The following PRKCH variants were observed in gnomAD, a reference collection of about 807,000 sequenced individuals.
PRKCH encodes the protein protein kinase C eta type.
A neutral mutation model predicts 82.5 loss-of-function variants in PRKCH; 28 were observed. That is an observed-to-expected ratio of 0.34 (90% CI 0.25 to 0.47). The LOEUF is 0.47. Ranked by LOEUF, PRKCH falls within the 20% of genes least tolerant of loss-of-function variation. The pLI is 1.00. For missense variants in PRKCH, 705 were observed against 881.8 expected (o/e 0.80, Z 2.54); for synonymous variants, 322 against 327.4 (o/e 0.98, Z 0.18).
chr14:61,389,785 C>A (rs994034339), intron 1 of PRKCH, among the ~76,000 whole-genome samples: 19 of 151,886 alleles, frequency 1.3e-4, no homozygotes, highest in Admixed American at 2.6e-4. Context: ...TGGTAAAGGA[C>A]CTTGCCCAGG....
intron 1 of PRKCH, among the ~76,000 whole-genome samples, chr14:61,352,452 C>G (rs915632926): frequency 6.6e-6 from 1 of 151,956 alleles, no homozygotes; most frequent in Non-Finnish European, 1.5e-5. Context: ...CATTTGAGGG[C>G]AGGGGTTCAA....
chr14:61,506,066 CT>C (rs1887132972), intron 10 of PRKCH, among the ~76,000 whole-genome samples: 1 of 152,106 alleles, frequency 6.6e-6, no homozygotes, highest in Non-Finnish European at 1.5e-5. Context: ...ACATCAATGC[CT>C]ACCAGGCCTG....
At chr14:61,401,125 T>G (rs1881593518) in intron 2 of PRKCH, among the ~76,000 whole-genome samples, 1 of 152,274 alleles carries the variant, frequency 6.6e-6, no homozygotes, top group South Asian at 2.1e-4. Flanking sequence ...AGGACCAACA[T>G]TCACCCAGGA....
At chr14:61,268,195 T>G (rs2045120845) in intron 1 of PRKCH, among the ~76,000 whole-genome samples, 1 of 152,160 alleles carries the variant, frequency 6.6e-6, no homozygotes, top group Non-Finnish European at 1.5e-5. Context: ...TCTGTCTAAG[T>G]GCCAGCAATT....
intron 1 of PRKCH, among the ~76,000 whole-genome samples, chr14:61,350,615 A>G (rs2046060186): frequency 6.6e-6 from 1 of 152,098 alleles, no homozygotes; most frequent in Admixed American, 6.5e-5. Flanking sequence ...TCACTGAAAG[A>G]ATATCCCCCC....
In PRKCH at chr14:61,453,264, G is replaced by A. The variant is rs754738854; in HGVS notation, c.871G>A (p.Val291Met). 5 of 1,614,130 alleles carry A rather than the reference G, an allele frequency of 3.1e-6. No individual in the cohort carries two copies. Among genetic ancestry groups the A allele is most frequent in the South Asian group, 1.1e-5 (1 of 91,082 alleles). Residue 291 changes from valine (V) to methionine (M), a missense_variant, in exon 7 of 14, where the codon GTG (valine) becomes ATG (methionine). Coordinates refer to ENST00000332981, the MANE Select transcript of PRKCH (RefSeq NM_006255.5). Reference sequence around the variant, plus strand: ...TGTGCATATTCGATGTCAAGCGAACGTGGCCCCTAACTGTGGGGTAAATGC... The same window carrying A: ...TGTGCATATTCGATGTCAAGCGAACATGGCCCCTAACTGTGGGGTAAATGC... ...MNVHIRCQAN[V>M]APNCGVNAVE...
chr14:61,470,079 G>T (rs538637080), intron 9 of PRKCH, among the ~76,000 whole-genome samples: 2 of 151,308 alleles, frequency 1.3e-5, no homozygotes, highest in African/African-American at 4.9e-5. Flanking sequence ...CAGGCTCAGA[G>T]CCGTCATCTG....
intron 2 of PRKCH, among the ~76,000 whole-genome samples, chr14:61,436,637 ATCC>A (rs1481948629): frequency 6.6e-6 from 1 of 152,126 alleles, no homozygotes; most frequent in Admixed American, 6.6e-5. Context: ...GGTTCAAGCA[ATCC>A]TCCTGCCTCA....
At chr14:61,432,243 T>C (rs961696713) in intron 2 of PRKCH, among the ~76,000 whole-genome samples, 2 of 152,334 alleles carry the variant, frequency 1.3e-5, no homozygotes, top group South Asian at 4.1e-4. Context: ...TTGATATCTT[T>C]TTATTTTTCT....
chr14:61,208,593 A>C (rs370169887), intron 1 of PRKCH, among the ~76,000 whole-genome samples: 23 of 152,202 alleles, frequency 1.5e-4, no homozygotes, highest in Admixed American at 3.3e-4. Context: ...TGAAAGTCTT[A>C]AGATTCTCAA....
intron 1 of PRKCH, among the ~76,000 whole-genome samples, chr14:61,221,160 C>G (rs1357634880): frequency 2.6e-5 from 4 of 152,082 alleles, no homozygotes; most frequent in Admixed American, 1.3e-4. Context: ...GTGGGGAACC[C>G]TCCAACAGCG....
intron 12 of PRKCH, among the ~76,000 whole-genome samples, chr14:61,542,395 A>T (rs566903135): frequency 1.2e-3 from 175 of 151,740 alleles, no homozygotes; most frequent in South Asian, 7.7e-3. Context: ...AGTTTTCCAA[A>T]TAGGGTTTGG....
intron 9 of PRKCH, among the ~76,000 whole-genome samples, chr14:61,484,101 G>A (rs951695304): frequency 6.6e-5 from 10 of 151,960 alleles, no homozygotes; most frequent in Non-Finnish European, 1.0e-4. Flanking sequence ...CACTTTCCTC[G>A]CAAAATAATC....
At chr14:61,539,685 A>G (rs973274027) in intron 12 of PRKCH, among the ~76,000 whole-genome samples, 18 of 152,058 alleles carry the variant, frequency 1.2e-4, no homozygotes, top group African/African-American at 1.9e-4. Context: ...GGGAAGGACA[A>G]TCTTCAAAAT....
intron 11 of PRKCH, 98 bp from the exon 12 acceptor site, chr14:61,530,309 C>T: frequency 7.7e-7 from 1 of 1,303,412 alleles, no homozygotes; most frequent in Non-Finnish European, 1.0e-6. Context: ...TTTAAAAAAA[C>T]TTTGATATTT....
chr14:61,485,878 C>T (rs547549728), intron 10 of PRKCH, among the ~76,000 whole-genome samples: 1 of 152,294 alleles, frequency 6.6e-6, no homozygotes, highest in South Asian at 2.1e-4. Context: ...CCATCTGGAC[C>T]TCCCAAGTAG....
chr14:61,206,306 C>T (rs2044523539), intron 1 of PRKCH, among the ~76,000 whole-genome samples: 1 of 152,162 alleles, frequency 6.6e-6, no homozygotes, highest in African/African-American at 2.4e-5. Flanking sequence ...AGAAGGCTTC[C>T]TTGCCTCTTC....
intron 9 of PRKCH, among the ~76,000 whole-genome samples, chr14:61,484,961 G>A (rs902910205): frequency 2.0e-5 from 3 of 151,478 alleles, no homozygotes; most frequent in Non-Finnish European, 4.4e-5. Flanking sequence ...TGGGCTCAAG[G>A]GATCCACCCA....
At chr14:61,508,497 CAG>C (rs1887247086) in intron 10 of PRKCH, among the ~76,000 whole-genome samples, 2 of 152,138 alleles carry the variant, frequency 1.3e-5, no homozygotes, top group East Asian at 3.9e-4. Flanking sequence ...GGAAACAAGA[CAG>C]AGTCCTGATA....
Sources: gnomAD v4.1 joint callset for allele counts (sites outside exome capture counted in the v4.1 genomes callset) on GRCh38, gnomAD v4.1.1 for gene constraint, MANE v1.5 for transcripts, NCBI Gene and HGNC (gene_info 2026-07-23, HGNC 2026-07-21) for gene names.